The following PDE4D variants were observed in gnomAD, a reference collection of about 807,000 sequenced individuals.
The protein encoded by PDE4D is 3',5'-cyclic-AMP phosphodiesterase 4D.
In PDE4D, 24 loss-of-function variants were observed where a neutral mutation model predicts 87.4. The observed-to-expected ratio is 0.27, with a 90% CI of 0.20 to 0.39. The LOEUF (loss-of-function observed/expected upper bound fraction) is 0.39, where lower values mean the gene tolerates loss of function less well. Among genes scored for constraint, PDE4D ranks in the 10% least tolerant of loss-of-function variants. PDE4D has a pLI of 1.00. For missense variants in PDE4D, 714 were observed against 1,041.0 expected (o/e 0.69, Z 4.32); for synonymous variants, 384 against 383.2 (o/e 1.00, Z -0.02).
At chr5:59,140,262 T>A (rs934302021) in intron 5 of PDE4D, among the ~76,000 whole-genome samples, 1 of 152,218 alleles carries the variant, frequency 6.6e-6, no homozygotes, top group East Asian at 1.9e-4. Flanking sequence ...CGAGTCACAC[T>A]TCTGTCAAAT....
intron 1 of PDE4D, chr5:59,430,442 A>C (rs999250922): frequency 8.1e-7 from 1 of 1,230,744 alleles, no homozygotes; most frequent in African/African-American, 1.6e-5. Context: ...CAAGAAGTAA[A>C]AGCAAATCTG....
At chr5:59,787,806 C>A (rs1220290841) in intron 1 of PDE4D, among the ~76,000 whole-genome samples, 3 of 152,186 alleles carry the variant, frequency 2.0e-5, no homozygotes, top group African/African-American at 7.2e-5. Flanking sequence ...AGGCATCTCA[C>A]TACAACGACC....
intron 2 of PDE4D, among the ~76,000 whole-genome samples, chr5:60,164,136 T>C (rs1457966228): frequency 2.0e-5 from 3 of 152,142 alleles, no homozygotes; most frequent in Non-Finnish European, 4.4e-5. Flanking sequence ...GGAAAATAAT[T>C]TAATAAAAAT....
chr5:59,565,585 T>G (rs547436313), intron 1 of PDE4D, among the ~76,000 whole-genome samples: 1 of 151,834 alleles, frequency 6.6e-6, no homozygotes, highest in Non-Finnish European at 1.5e-5. Flanking sequence ...AGAGGAGAAA[T>G]AGTTGCAGCA....
intron 1 of PDE4D, among the ~76,000 whole-genome samples, chr5:59,756,218 CT>C (rs1761196230): frequency 1.3e-5 from 2 of 151,420 alleles, no homozygotes; most frequent in East Asian, 3.9e-4. Flanking sequence ...CTTGACATTT[CT>C]TTTGTAAGCT....
intron 11 of PDE4D, among the ~76,000 whole-genome samples, chr5:58,982,161 G>A (rs1439372213): frequency 1.3e-5 from 2 of 152,160 alleles, no homozygotes; most frequent in African/African-American, 4.8e-5. Context: ...GGGTAATTAT[G>A]AGTCGTAACA....
intron 1 of PDE4D, among the ~76,000 whole-genome samples, chr5:59,816,669 C>T (rs1355270826): frequency 6.6e-6 from 1 of 152,182 alleles, no homozygotes; most frequent in Non-Finnish European, 1.5e-5. Flanking sequence ...ACACCCCTCA[C>T]TACCGCTATG....
At chr5:59,892,724 G>C (rs571276758) in intron 1 of PDE4D, among the ~76,000 whole-genome samples, 1 of 152,222 alleles carries the variant, frequency 6.6e-6, no homozygotes, top group South Asian at 2.1e-4. Context: ...AATAGGGTGA[G>C]TGGACAGATG....
At chr5:59,122,792 C>T (rs1440578916) in intron 5 of PDE4D, among the ~76,000 whole-genome samples, 1 of 152,184 alleles carries the variant, frequency 6.6e-6, no homozygotes, top group Non-Finnish European at 1.5e-5. Flanking sequence ...TAGTTCCAAA[C>T]ATTTTCAACA....
intron 1 of PDE4D, among the ~76,000 whole-genome samples, chr5:60,514,636 C>T (rs886109644): frequency 5.3e-5 from 8 of 151,888 alleles, no homozygotes; most frequent in Non-Finnish European, 8.8e-5. Flanking sequence ...TAAAATTTAA[C>T]GTCTAACAAG....
At chr5:60,493,505 A>G (rs1749643566) in intron 1 of PDE4D, among the ~76,000 whole-genome samples, 1 of 152,236 alleles carries the variant, frequency 6.6e-6, no homozygotes, top group African/African-American at 2.4e-5. Flanking sequence ...GCTCACTAAG[A>G]AGCAGCAGAA....
intron 1 of PDE4D, among the ~76,000 whole-genome samples, chr5:59,510,729 G>T (rs1328936973): frequency 6.6e-6 from 1 of 151,894 alleles, no homozygotes; most frequent in African/African-American, 2.4e-5. Context: ...GGAAACAGCA[G>T]GAAAATGTAA....
chr5:59,405,463 G>C (rs933525937), intron 1 of PDE4D, among the ~76,000 whole-genome samples: 4 of 152,150 alleles, frequency 2.6e-5, no homozygotes, highest in African/African-American at 9.7e-5. Context: ...ACCAGTTCTA[G>C]TAGTGTTTTG....
Position 58,972,033 on chromosome 5 carries a change from A to C in PDE4D, c.*2631T>G, listed in dbSNP as rs1004841311. The C allele has an allele frequency of 6.6e-6, 1 of 152,486 alleles. No homozygotes were observed. The highest frequency in any genetic ancestry group is 2.4e-5 in the African/African-American group (1 of 41,448). 9.4% of individuals were successfully genotyped at this position (152,486 alleles called of 1,614,324 possible). A position where few individuals can be genotyped will look rare whatever the true frequency, so the allele number is the denominator to read the frequency against. On this transcript the variant is annotated 3_prime_UTR_variant, in exon 15 of 15. Coordinates refer to ENST00000340635, the MANE Select transcript of PDE4D (RefSeq NM_001104631.2). ...GAAGAAAAAAAAAGAGCCTCTCTTTATTAGTGCAGTTATAAACCCTTTACC... is the reference window on the plus strand; with the variant it reads ...GAAGAAAAAAAAAGAGCCTCTCTTTCTTAGTGCAGTTATAAACCCTTTACC...
chr5:59,873,312 T>G (rs1469887234), intron 1 of PDE4D, among the ~76,000 whole-genome samples: 11 of 152,212 alleles, frequency 7.2e-5, no homozygotes. Flanking sequence ...TGAAGCAATC[T>G]GGTAGTCACA....
chr5:59,890,465 G>A (rs1554106547), intron 1 of PDE4D, among the ~76,000 whole-genome samples: 1 of 152,136 alleles, frequency 6.6e-6, no homozygotes, highest in Non-Finnish European at 1.5e-5. Flanking sequence ...ACTGCCCAGA[G>A]TTTCTAAAGT....
chr5:59,123,158 G>A lies in PDE4D; in HGVS notation c.808+57437C>T, dbSNP rs541887618. Among the ~76,000 whole-genome samples the A allele has an allele frequency of 2.0e-3, 299 of 151,840 alleles. 1 individual carries two copies. Among genetic ancestry groups the A allele is most frequent in the African/African-American group, 7.0e-3 (289 of 41,426 alleles). On this transcript the variant is annotated intron_variant, in intron 5 of 14. Coordinates refer to ENST00000340635, the MANE Select transcript of PDE4D (RefSeq NM_001104631.2). Reference sequence around the variant, plus strand: ...TGGTTGAACTGATCATATTTATACCGAATTTCCAAAGATCAATCAACGAGA... The same window carrying A: ...TGGTTGAACTGATCATATTTATACCAAATTTCCAAAGATCAATCAACGAGA...
At chr5:59,877,843 C>T (rs969712056) in intron 1 of PDE4D, among the ~76,000 whole-genome samples, 1 of 151,852 alleles carries the variant, frequency 6.6e-6, no homozygotes, top group Non-Finnish European at 1.5e-5. Flanking sequence ...AAAGTTTAGA[C>T]AAGTTTCCAA....
At chr5:59,866,443 C>T (rs1357388161) in intron 1 of PDE4D, among the ~76,000 whole-genome samples, 1 of 152,028 alleles carries the variant, frequency 6.6e-6, no homozygotes, top group African/African-American at 2.4e-5. Context: ...GAAGGAATTG[C>T]TTATTCCATC....
Sources: gnomAD v4.1 joint callset for allele counts (sites outside exome capture counted in the v4.1 genomes callset) on GRCh38, gnomAD v4.1.1 for gene constraint, MANE v1.5 for transcripts, NCBI Gene and HGNC (gene_info 2026-07-23, HGNC 2026-07-21) for gene names.